CFAP70: variants seen among roughly 807,000 people sequenced by gnomAD.
The protein encoded by CFAP70 is cilia and flagella associated protein 70.
Under a neutral mutation model 137.6 loss-of-function variants are expected in CFAP70, and 81 were observed. The observed-to-expected ratio is 0.59, with a 90% confidence interval of 0.49 to 0.71. The LOEUF is 0.71. Ranked by LOEUF, CFAP70 falls within the 30% of genes least tolerant of loss-of-function variation. The pLI, the probability that CFAP70 is intolerant of heterozygous loss-of-function variation, is 0.00. For synonymous variants in CFAP70, 382 were observed against 423.6 expected (o/e 0.90, Z 1.20); for missense variants, 976 against 1,226.7 (o/e 0.80, Z 3.05).
rs776698694 is a variant in CFAP70, at chr10:73,341,428, C to A, written c.553G>T (p.Glu185Ter). The A allele has an allele frequency of 6.2e-7, 1 of 1,613,772 alleles. No individual in the cohort carries two copies. Among genetic ancestry groups the A allele is most frequent in the Admixed American group, 1.7e-5 (1 of 59,932 alleles). Residue 185 changes from glutamate to a stop codon, truncating the protein, a stop_gained, in exon 6 of 27, where the codon GAA (glutamate) becomes TAA (stop). Coordinates refer to ENST00000310715, the Ensembl canonical transcript of CFAP70. LOFTEE classifies it high-confidence loss of function. ...GGATGGTTGAGTTCTCCTTCTTCTT[C>A]TTCATAGGGACCACCAACAATGAAT...
At chr10:73,351,141 C>T (rs1375934002) in intron 3 of CFAP70, among the ~76,000 whole-genome samples, 2 of 109,674 alleles carry the variant, frequency 1.8e-5, no homozygotes, top group African/African-American at 6.8e-5. Context: ...TTTTGTGAGA[C>T]GGAGTCTTGC....
intron 23 of CFAP70, among the ~76,000 whole-genome samples, chr10:73,274,020 G>A (rs2046509746): frequency 6.6e-6 from 1 of 152,220 alleles, no homozygotes; most frequent in Admixed American, 6.5e-5. Flanking sequence ...TCAGGTCAGA[G>A]CGCCCTATGG....
In CFAP70 at chr10:73,273,182, T is replaced by C. The variant is rs142342056; in HGVS notation, c.2836-165A>G. On this transcript the variant is annotated intron_variant, in intron 23 of 26. Coordinates refer to ENST00000310715, the Ensembl canonical transcript of CFAP70. The stretch of plus-strand genomic sequence containing the variant: ...CCTTAAGGGAGTTATCGCAAGAAGA[T>C]TGGTGAGAGGAGATGGATAGATCAC... 2.8e-4 allele frequency among the ~76,000 whole-genome samples: 42 copies of C among 152,306 alleles called. No individual in the cohort carries two copies. In the East Asian group the frequency reaches 7.3e-3, roughly 27 times the overall value.
intron 25 of CFAP70, among the ~76,000 whole-genome samples, chr10:73,265,316 A>G (rs11000568): frequency 0.1 from 15,474 of 148,222 alleles, 1,140 homozygotes; most frequent in East Asian, 0.29. Flanking sequence ...GAGAGACTCC[A>G]TCTCAAAAAA....
chr10:73,275,585 A>G lies in CFAP70; in HGVS notation c.2534T>C (p.Val845Ala), dbSNP rs2046656828. Residue 845 changes from valine (V) to alanine (A), a missense_variant, in exon 22 of 27, where the codon GTG (valine) becomes GCG (alanine). By Grantham distance (64) the Val-to-Ala change is moderately conservative (BLOSUM62 0). Transcript: ENST00000310715. The surrounding 1 kb of genome is among the most constrained non-coding windows in gnomAD (Gnocchi z 4.0). The stretch of plus-strand genomic sequence containing the variant: ...AGGGCATAACAGCTCATGTGCAAGC[A>G]CTCTGTGCACATACTGCAAGGATAA... The G allele has an allele frequency of 6.3e-7, 1 of 1,596,844 alleles. No individual in the cohort carries two copies. Among genetic ancestry groups the G allele is most frequent in the African/African-American group, 1.4e-5 (1 of 73,968 alleles).
chr10:73,344,221 C>T (rs576132979), intron 5 of CFAP70, among the ~76,000 whole-genome samples: 5 of 152,308 alleles, frequency 3.3e-5, no homozygotes, highest in African/African-American at 1.2e-4. Flanking sequence ...GCCTCAGCCT[C>T]CCAAAGTGCT....
intron 19 of CFAP70, among the ~76,000 whole-genome samples, chr10:73,282,014 C>T (rs2047293360): frequency 6.6e-6 from 1 of 152,166 alleles, no homozygotes; most frequent in Admixed American, 6.5e-5. Context: ...TGGGTTCTCC[C>T]CCAGCTCCTC....
intron 9 of CFAP70, among the ~76,000 whole-genome samples, chr10:73,315,006 G>A (rs2050219807): frequency 6.6e-6 from 1 of 151,518 alleles, no homozygotes; most frequent in Non-Finnish European, 1.5e-5. Flanking sequence ...TTGAGCCCAG[G>A]AGTTTGATAC....
chr10:73,326,969 C>G (rs1193606694), intron 8 of CFAP70, among the ~76,000 whole-genome samples: 1 of 151,648 alleles, frequency 6.6e-6, no homozygotes, highest in East Asian at 1.9e-4. Context: ...AAGAGGGAAT[C>G]CTCCCTAACT....
At chr10:73,278,483 AT>A in intron 19 of CFAP70, 146 bp from the exon 21 acceptor site, 2 of 663,396 alleles carry the variant, frequency 3.0e-6, no homozygotes, top group Non-Finnish European at 4.8e-6. Flanking sequence ...ACTTGTTTAT[AT>A]TTTTTAATAA....
chr10:73,266,301 A>G (rs1297198171), intron 25 of CFAP70, among the ~76,000 whole-genome samples: 1 of 152,176 alleles, frequency 6.6e-6, no homozygotes, highest in Non-Finnish European at 1.5e-5. Context: ...CCGTCTCCCT[A>G]TACACCCTGT....
chr10:73,299,744 C>A, intron 12 of CFAP70, 79 bp from the exon 14 acceptor site: 1 of 1,142,400 alleles, frequency 8.8e-7, no homozygotes. Context: ...TTATCTTATC[C>A]TCAAAGTGTC....
chr10:73,330,904 A>G (rs1464999702), intron 8 of CFAP70, among the ~76,000 whole-genome samples: 3 of 152,198 alleles, frequency 2.0e-5, no homozygotes, highest in Non-Finnish European at 4.4e-5. Flanking sequence ...GAGAAATAGG[A>G]TATCTGGTAA....
At chr10:73,254,374 C>T (rs1564731559) in intron 26 of CFAP70, 1 of 170,892 alleles carries the variant, frequency 5.9e-6, no homozygotes, top group Admixed American at 6.2e-5. Flanking sequence ...ACCAGCATCT[C>T]TTGGCTAATG....
At chr10:73,277,555 A>T (rs113395009) in intron 20 of CFAP70, among the ~76,000 whole-genome samples, 194 bp from the exon 22 acceptor site, 7,290 of 152,162 alleles carry the variant, frequency 0.048, 543 homozygotes, top group African/African-American at 0.16. Flanking sequence ...TGCACTAAAA[A>T]TACAAAAATT....
rs778817964 is a variant in CFAP70, at chr10:73,348,142, A to C, written c.349+281T>G. 1.2e-6 allele frequency: 2 copies of C among 1,611,904 alleles called. No individual in the cohort carries two copies. The highest frequency in any genetic ancestry group is 1.7e-6 in the Non-Finnish European group (2 of 1,177,944). On this transcript the variant is annotated intron_variant, in intron 4 of 26. Transcript: ENST00000310715. ...ATGGCAGGCTGAAATGTTGAGAGCT[A>C]AAACTCTGATTACCTTAGCACTTGA...
intron 19 of CFAP70, among the ~76,000 whole-genome samples, chr10:73,288,758 C>T: frequency 6.6e-6 from 1 of 152,168 alleles, no homozygotes; most frequent in East Asian, 1.9e-4. Context: ...ATGGACCAGA[C>T]TATAGAACTT....
At chr10:73,312,094 G>A (rs1027796052) in intron 10 of CFAP70, among the ~76,000 whole-genome samples, 180 bp from the exon 12 acceptor site, 3 of 152,136 alleles carry the variant, frequency 2.0e-5, no homozygotes, top group African/African-American at 7.2e-5. Context: ...AACTAACACA[G>A]GAACAGAAAA....
At chr10:73,312,121 C>G (rs1015044981) in intron 10 of CFAP70, among the ~76,000 whole-genome samples, 1 of 152,180 alleles carries the variant, frequency 6.6e-6, no homozygotes, top group Non-Finnish European at 1.5e-5. Context: ...ACCGCATGTT[C>G]TCACTCATAA....
Sources: allele counts gnomAD v4.1 joint callset (sites outside exome capture counted in the v4.1 genomes callset), GRCh38; gene constraint gnomAD v4.1.1; non-coding constraint Gnocchi (gnomAD v3.1); transcripts MANE v1.5; gene names NCBI Gene and HGNC (gene_info 2026-07-23, HGNC 2026-07-21).